The following AK5 variants were observed in gnomAD, a reference collection of about 807,000 sequenced individuals.
AK5 encodes adenylate kinase isoenzyme 5.
A neutral mutation model predicts 69.5 loss-of-function variants in AK5; 27 were observed. The ratio of observed to expected loss-of-function variants is 0.39; its 90% CI spans 0.29 to 0.54. The LOEUF (loss-of-function observed/expected upper bound fraction) is 0.54, where lower values mean the gene tolerates loss of function less well. Ranked by LOEUF, AK5 falls within the 20% of genes least tolerant of loss-of-function variation. The pLI, the probability that AK5 is intolerant of heterozygous loss-of-function variation, is 0.71. For synonymous variants in AK5, 260 were observed against 244.4 expected (o/e 1.06, Z -0.60); for missense variants, 531 against 700.4 (o/e 0.76, Z 2.73).
At chr1:77,289,811 T>C (rs1292116125) in intron 2 of AK5, among the ~76,000 whole-genome samples, 7 of 130,044 alleles carry the variant, frequency 5.4e-5, no homozygotes, top group African/African-American at 1.5e-4. Flanking sequence ...TGCAGTGAGC[T>C]GAGATCCCGC....
intron 8 of AK5, among the ~76,000 whole-genome samples, chr1:77,439,839 T>G (rs1342535230): frequency 2.7e-5 from 4 of 150,474 alleles, no homozygotes; most frequent in Non-Finnish European, 6.0e-5. Flanking sequence ...TATCTCATTT[T>G]CCTTATTCAT....
chr1:77,433,981 T>A (rs1651801159), intron 8 of AK5, among the ~76,000 whole-genome samples: 1 of 151,486 alleles, frequency 6.6e-6, no homozygotes, highest in Non-Finnish European at 1.5e-5. Context: ...CTTCTTAGAG[T>A]CTTTTCCATG....
At chr1:77,479,869 G>A (rs1655153673) in intron 8 of AK5, among the ~76,000 whole-genome samples, 1 of 152,170 alleles carries the variant, frequency 6.6e-6, no homozygotes. Flanking sequence ...CAGAGTGGTG[G>A]CTAATGGGTT....
chr1:77,546,731 G>A (rs1659563229), intron 13 of AK5, among the ~76,000 whole-genome samples: 1 of 152,156 alleles, frequency 6.6e-6, no homozygotes, highest in East Asian at 1.9e-4. Context: ...AAACAAAAAA[G>A]ACTTGTGAAA....
chr1:77,298,414 C>A (rs1298763755), intron 5 of AK5, among the ~76,000 whole-genome samples: 2 of 151,834 alleles, frequency 1.3e-5, no homozygotes, highest in Admixed American at 6.6e-5. Flanking sequence ...GCCTGCTCAA[C>A]CCCCAATACA....
At chr1:77,538,356 A>G (rs1659084151) in intron 13 of AK5, among the ~76,000 whole-genome samples, 1 of 149,864 alleles carries the variant, frequency 6.7e-6, no homozygotes, top group Admixed American at 6.6e-5. Flanking sequence ...AACAACAACA[A>G]CAACAAAAAA....
intron 5 of AK5, among the ~76,000 whole-genome samples, chr1:77,305,885 C>T (rs1403716481): frequency 2.0e-5 from 3 of 151,650 alleles, no homozygotes; most frequent in East Asian, 3.9e-4. Context: ...TGAAGAATGT[C>T]ATTGGTATTT....
In AK5 at chr1:77,282,216, T is replaced by TC; in HGVS notation, c.-97dup. The TC allele has an allele frequency of 8.4e-7, 1 of 1,189,788 alleles. No individual in the cohort carries two copies. Among genetic ancestry groups the TC allele is most frequent in the Non-Finnish European group, 1.2e-6 (1 of 853,234 alleles). The allele number at this position is 1,189,788 out of a possible 1,614,324, so 73.7% of individuals were successfully genotyped here. A position where few individuals can be genotyped will look rare whatever the true frequency, so the allele number is the denominator to read the frequency against. ...GTGAGAAAGAGGGCTGCACCGCTGCTCGGCGCGGACTCTGCCAGCCCCAGC... is the reference window on the plus strand; with the variant it reads ...GTGAGAAAGAGGGCTGCACCGCTGCTCCGGCGCGGACTCTGCCAGCCCCAGC... On this transcript the variant is annotated 5_prime_UTR_variant, in exon 1 of 14. Transcript: ENST00000354567.
intron 8 of AK5, among the ~76,000 whole-genome samples, chr1:77,431,540 A>G (rs1651638685): frequency 6.6e-6 from 1 of 152,322 alleles, no homozygotes; most frequent in East Asian, 1.9e-4. Flanking sequence ...TAAGCAGTTT[A>G]GGAAGGAAGT....
chr1:77,545,290 T>C (rs1320376547), intron 13 of AK5, among the ~76,000 whole-genome samples: 3 of 152,122 alleles, frequency 2.0e-5, no homozygotes, highest in African/African-American at 7.2e-5. Context: ...TCTTTCTCTC[T>C]GAAATCAAAC....
intron 6 of AK5, among the ~76,000 whole-genome samples, chr1:77,359,055 A>G (rs1436704995): frequency 6.6e-6 from 1 of 152,034 alleles, no homozygotes; most frequent in Non-Finnish European, 1.5e-5. Flanking sequence ...GGAGATCGAG[A>G]CCATCCTGGC....
At chr1:77,310,096 C>G (rs1453212656) in intron 5 of AK5, among the ~76,000 whole-genome samples, 1 of 152,064 alleles carries the variant, frequency 6.6e-6, no homozygotes, top group African/African-American at 2.4e-5. Context: ...TCTATGTGCA[C>G]TAATTCTTTT....
chr1:77,330,364 ATT>A (rs993883707), intron 5 of AK5, among the ~76,000 whole-genome samples: 18 of 152,260 alleles, frequency 1.2e-4, no homozygotes, highest in African/African-American at 3.9e-4. Context: ...ACTATTTATC[ATT>A]TTGTCTTTCA....
intron 6 of AK5, among the ~76,000 whole-genome samples, chr1:77,365,311 A>G (rs1042381064): frequency 1.3e-5 from 2 of 152,028 alleles, no homozygotes; most frequent in Non-Finnish European, 2.9e-5. Context: ...CCCATTCTGT[A>G]GGTTGTCTTT....
At chr1:77,468,365 C>T (rs1001596178) in intron 8 of AK5, among the ~76,000 whole-genome samples, 2 of 152,206 alleles carry the variant, frequency 1.3e-5, no homozygotes, top group African/African-American at 4.8e-5. Flanking sequence ...GTGAGACACA[C>T]AGGTTGGTAA....
intron 5 of AK5, among the ~76,000 whole-genome samples, chr1:77,302,780 T>A (rs1455603411): frequency 6.6e-6 from 1 of 152,210 alleles, no homozygotes; most frequent in African/African-American, 2.4e-5. Flanking sequence ...TTTCTTGTAA[T>A]ATGTTGCTAA....
chr1:77,487,850 T>C (rs1655697356), intron 10 of AK5, among the ~76,000 whole-genome samples: 1 of 152,204 alleles, frequency 6.6e-6, no homozygotes, highest in African/African-American at 2.4e-5. Flanking sequence ...TTATTGACTG[T>C]TGGACCCCTG....
intron 1 of AK5, chr1:77,283,081 T>G: frequency 2.0e-6 from 2 of 985,564 alleles, no homozygotes; most frequent in Non-Finnish European, 2.4e-6. Flanking sequence ...CGGACTCCTG[T>G]TGCTCAGTCT....
chr1:77,555,454 G>A (rs1386113920), intron 13 of AK5, among the ~76,000 whole-genome samples: 3 of 152,086 alleles, frequency 2.0e-5, no homozygotes, highest in African/African-American at 7.3e-5. Flanking sequence ...ATAGTGTAAT[G>A]TAGTCAACAC....
Sources: allele counts gnomAD v4.1 joint callset (sites outside exome capture counted in the v4.1 genomes callset), GRCh38; gene constraint gnomAD v4.1.1; transcripts MANE v1.5; gene names NCBI Gene and HGNC (gene_info 2026-07-23, HGNC 2026-07-21).